Variants in SORCS1 observed in about 807,000 individuals in gnomAD.
The protein encoded by SORCS1 is sortilin related VPS10 domain containing receptor 1, also known as VPS10 domain-containing receptor SorCS1.
In SORCS1, 60 loss-of-function variants were observed where a neutral mutation model predicts 146.1. The ratio of observed to expected loss-of-function variants is 0.41; its 90% CI spans 0.33 to 0.51. The LOEUF (loss-of-function observed/expected upper bound fraction) is 0.51. SORCS1 is among the 20% of genes least tolerant of loss of function. The pLI is 0.21. For missense variants in SORCS1, 1,352 were observed against 1,487.6 expected (o/e 0.91, Z 1.50); for synonymous variants, 637 against 584.0 (o/e 1.09, Z -1.31).
chr10:106,726,182 T>TCA (rs1856151589), intron 6 of SORCS1, among the ~76,000 whole-genome samples: 1 of 116,406 alleles, frequency 8.6e-6, no homozygotes, highest in Non-Finnish European at 1.8e-5. Flanking sequence ...TCTCTTTCCC[T>TCA]CTCTTTTTTT....
chr10:106,885,898 T>G (rs1950981733), intron 2 of SORCS1, among the ~76,000 whole-genome samples: 1 of 152,286 alleles, frequency 6.6e-6, no homozygotes, highest in South Asian at 2.1e-4. Context: ...TGTCACCACA[T>G]AAGACGTGCC....
rs938191304 is a variant in SORCS1 at position 106,799,246 on chromosome 10, C to T, written c.727-22554G>A. Reference sequence around the variant, plus strand: ...AAATTAATTCAAGATGGATTAGAGACTTAAATGTCAGACCTAAAACCATAA... The same window carrying T: ...AAATTAATTCAAGATGGATTAGAGATTTAAATGTCAGACCTAAAACCATAA... On this transcript the variant is annotated intron_variant, in intron 3 of 25. Coordinates refer to ENST00000263054, the MANE Select transcript of SORCS1 (RefSeq NM_052918.5). Among the ~76,000 whole-genome samples, 44 of 152,330 alleles carry T rather than the reference C, an allele frequency of 2.9e-4. 1 individual carries two copies. Among genetic ancestry groups the T allele is most frequent in the Admixed American group, 2.5e-3 (38 of 15,304 alleles).
intron 2 of SORCS1, among the ~76,000 whole-genome samples, chr10:106,944,637 T>A (rs907004669): frequency 3.3e-5 from 5 of 152,216 alleles, no homozygotes; most frequent in African/African-American, 1.2e-4. Flanking sequence ...GATCTATGTA[T>A]GTACGTATTT....
chr10:107,094,477 G>C (rs899705365), intron 1 of SORCS1, among the ~76,000 whole-genome samples: 9 of 152,078 alleles, frequency 5.9e-5, no homozygotes, highest in Non-Finnish European at 1.3e-4. Context: ...AGGCTATGAA[G>C]GTGAGGTATA....
At chr10:106,630,100 T>C (rs1848352419) in intron 18 of SORCS1, among the ~76,000 whole-genome samples, 1 of 152,040 alleles carries the variant, frequency 6.6e-6, no homozygotes, top group South Asian at 2.1e-4. Flanking sequence ...CTGACTGACA[T>C]GGTAATGGAC....
intron 6 of SORCS1, among the ~76,000 whole-genome samples, chr10:106,720,549 T>G (rs1855709941): frequency 7.5e-6 from 1 of 132,736 alleles, no homozygotes; most frequent in East Asian, 2.2e-4. Flanking sequence ...TGTGAGTAAA[T>G]GCCGATGCTA....
chr10:106,597,739 C>T (rs181861366), intron 23 of SORCS1, among the ~76,000 whole-genome samples: 45 of 152,264 alleles, frequency 3.0e-4, no homozygotes, highest in Admixed American at 2.2e-3. Context: ...AACTTACCCC[C>T]AGTCTTTTGA....
At chr10:106,984,628 C>T (rs566109330) in intron 1 of SORCS1, among the ~76,000 whole-genome samples, 2 of 151,734 alleles carry the variant, frequency 1.3e-5, no homozygotes, top group South Asian at 4.2e-4. Context: ...CTCCTGACCT[C>T]GTGATCCGCC....
intron 1 of SORCS1, among the ~76,000 whole-genome samples, chr10:107,158,733 T>C (rs1441899653): frequency 6.6e-6 from 1 of 152,218 alleles, no homozygotes; most frequent in Non-Finnish European, 1.5e-5. Context: ...GCTCAATAAA[T>C]ATTTGTTGAA....
intron 18 of SORCS1, among the ~76,000 whole-genome samples, chr10:106,647,042 T>TATATAC (rs1849503327): frequency 1.4e-5 from 2 of 143,226 alleles, no homozygotes; most frequent in African/African-American, 5.1e-5. Flanking sequence ...TATATATATA[T>TATATAC]GGTAATGTCA....
chr10:106,612,344 TCCC>T (rs1156806311), intron 21 of SORCS1, among the ~76,000 whole-genome samples: 8 of 46,230 alleles, frequency 1.7e-4, no homozygotes, highest in Non-Finnish European at 7.9e-5. Flanking sequence ...TGGCCCCCCT[TCCC>T]CCCTTCTCCT....
intron 1 of SORCS1, among the ~76,000 whole-genome samples, chr10:107,113,689 C>CAAA (rs538551901): frequency 4.1e-5 from 2 of 49,176 alleles, no homozygotes; most frequent in East Asian, 6.4e-4. Context: ...GACTCCATCT[C>CAAA]AAAAAAAAAA....
intron 4 of SORCS1, among the ~76,000 whole-genome samples, chr10:106,764,127 C>T (rs1859360848): frequency 6.6e-6 from 1 of 152,146 alleles, no homozygotes; most frequent in South Asian, 2.1e-4. Flanking sequence ...ACAAATAAAA[C>T]ACACATCCAC....
chr10:106,628,127 A>G (rs1848218200), intron 19 of SORCS1, among the ~76,000 whole-genome samples: 1 of 152,198 alleles, frequency 6.6e-6, no homozygotes, highest in Non-Finnish European at 1.5e-5. Flanking sequence ...TCAGACCCAA[A>G]TAAAGGAGTG....
At position 107,088,901 on chromosome 10, in the gene SORCS1, C is replaced by T. The variant is rs139398798; in HGVS notation, c.558+75068G>A. ...GGATCTGTGTAATTTCCAATCAGTG[C>T]CTCCTCTACTTAAGCTAATATGAGC... is the stretch of plus-strand genomic sequence containing the variant. On this transcript the variant is annotated intron_variant, in intron 1 of 25. Transcript: ENST00000263054. Among the ~76,000 whole-genome samples, 295 of 152,244 alleles carry T rather than the reference C, an allele frequency of 1.9e-3. 13 individuals carry two copies. In the East Asian group the frequency reaches 0.045, roughly 23 times the overall value.
At chr10:106,931,164 C>T (rs917964271) in intron 2 of SORCS1, among the ~76,000 whole-genome samples, 1 of 152,170 alleles carries the variant, frequency 6.6e-6, no homozygotes, top group Non-Finnish European at 1.5e-5. Context: ...TCCTAGAAGA[C>T]TCTCAGGGAC....
Position 106,579,447 on chromosome 10 carries a change from T to A in SORCS1, c.3293A>T (p.His1098Leu). The A allele has an allele frequency of 6.2e-7, 1 of 1,613,626 alleles. No homozygotes were observed. ...AAPLVDLTPT[H>L]SGSAMLMLLS... Reference sequence around the variant, plus strand: ...CAGCATCAGCATGGCAGATCCACTGTGGGTTGGAGTGAGGTCCACCAGGGG... The same window carrying A: ...CAGCATCAGCATGGCAGATCCACTGAGGGTTGGAGTGAGGTCCACCAGGGG... The change falls in exon 25 of 26, where the codon CAC becomes CTC. Residue 1098 changes from histidine to leucine, a missense_variant. By Grantham distance (99) the His-to-Leu change is moderately conservative. Coordinates refer to ENST00000263054, the MANE Select transcript of SORCS1 (RefSeq NM_052918.5).
At chr10:106,786,689 C>G (rs990478219) in intron 3 of SORCS1, among the ~76,000 whole-genome samples, 1 of 152,140 alleles carries the variant, frequency 6.6e-6, no homozygotes, top group Non-Finnish European at 1.5e-5. Flanking sequence ...CACAAACACA[C>G]ACACACAGAA....
intron 1 of SORCS1, among the ~76,000 whole-genome samples, chr10:106,997,504 C>T (rs1957047106): frequency 6.6e-6 from 1 of 152,140 alleles, no homozygotes; most frequent in Non-Finnish European, 1.5e-5. Context: ...TAAAACACTG[C>T]CCCAATTCAT....
Sources: allele counts gnomAD v4.1 joint callset (sites outside exome capture counted in the v4.1 genomes callset), GRCh38; gene constraint gnomAD v4.1.1; transcripts MANE v1.5; gene names NCBI Gene and HGNC (gene_info 2026-07-23, HGNC 2026-07-21).